Variants in ANO1 observed in about 807,000 individuals in gnomAD.
ANO1 encodes the protein anoctamin-1.
ANO1 carries 59 observed loss-of-function variants against 124.0 expected under a neutral mutation model. That is an observed-to-expected ratio of 0.48 (90% CI 0.39 to 0.59). ANO1 has a LOEUF of 0.59. ANO1 is among the 20% of genes least tolerant of loss of function. The probability of loss-of-function intolerance (pLI) is 0.00; values close to 1 mark genes in which losing one functional copy is unlikely to be tolerated. For missense variants in ANO1, 1,059 were observed against 1,328.0 expected, an observed-to-expected ratio of 0.80 and a Z score of 3.15; for synonymous variants, 529 against 532.0, an observed-to-expected ratio of 0.99 and a Z score of 0.08.
At chr11:70,034,904 T>C (rs1460363181) in intron 1 of ANO1, among the ~76,000 whole-genome samples, 1 of 151,614 alleles carries the variant, frequency 6.6e-6, no homozygotes, top group African/African-American at 2.4e-5. Context: ...GCTTAGTCAA[T>C]ATTTGCTGTA....
intron 1 of ANO1, among the ~76,000 whole-genome samples, chr11:70,028,412 A>C (rs1484802294): frequency 6.6e-6 from 1 of 152,156 alleles, no homozygotes; most frequent in African/African-American, 2.4e-5. Flanking sequence ...CCCAGGGACA[A>C]CATGCTGACT....
rs1296131535 is a variant in ANO1, at chr11:70,165,584, A to G, written c.2051+14A>G. On this transcript the variant is annotated intron_variant, in intron 20 of 25. Transcript: ENST00000355303. ...GATCGGCATCCCGTGAGTGTGCTGC[A>G]GCGGGTTAGAGCGGCAGGGGCGGGG... The G allele has an allele frequency of 1.9e-6, 3 of 1,600,796 alleles. No homozygotes were observed. The highest frequency in any genetic ancestry group is 1.1e-5 in the South Asian group (1 of 89,166).
chr11:70,143,599 G>A (rs75725973), intron 11 of ANO1, among the ~76,000 whole-genome samples: 3,003 of 152,224 alleles, frequency 0.02, 75 homozygotes, highest in African/African-American at 0.056. Context: ...GACTCTGTAG[G>A]TCAGAGATCT....
chr11:70,021,991 G>A (rs1555002669), intron 1 of ANO1, among the ~76,000 whole-genome samples: 1 of 152,210 alleles, frequency 6.6e-6, no homozygotes, highest in African/African-American at 2.4e-5. Flanking sequence ...GCTGCTGTGT[G>A]CTCAGATCAG....
chr11:70,169,759 T>C (rs1440309774), intron 21 of ANO1, among the ~76,000 whole-genome samples: 1 of 152,042 alleles, frequency 6.6e-6, no homozygotes, highest in African/African-American at 2.4e-5. Context: ...TGGCCCATCC[T>C]ACCTGCTAAC....
At chr11:69,988,446 G>A (rs1181276619) in intron 1 of ANO1, among the ~76,000 whole-genome samples, 1 of 152,184 alleles carries the variant, frequency 6.6e-6, no homozygotes, top group African/African-American at 2.4e-5. Context: ...TGAGTTCATA[G>A]CCTTTCCAAA....
At chr11:70,003,345 A>G (rs1774823988) in intron 1 of ANO1, among the ~76,000 whole-genome samples, 1 of 152,204 alleles carries the variant, frequency 6.6e-6, no homozygotes, top group Non-Finnish European at 1.5e-5. Context: ...GCCTGTGGAA[A>G]ACAAGCTGTC....
rs763542379 is a variant in ANO1 at position 70,161,208 on chromosome 11, C to A, written c.1626C>A (p.Ile542=). 1 of 1,613,962 alleles carries A rather than the reference C, an allele frequency of 6.2e-7. No homozygotes were observed. Among genetic ancestry groups the A allele is most frequent in the East Asian group, 2.2e-5 (1 of 44,884 alleles). ...AIVLGVIIYR[I]SMAAALAMNS... Reference sequence around the variant, plus strand: ...TCCTCGGCGTCATCATCTACAGAATCTCCATGGCCGCCGCCTTGGCCATGA... The same window carrying A: ...TCCTCGGCGTCATCATCTACAGAATATCCATGGCCGCCGCCTTGGCCATGA... The change falls in exon 17 of 26, where the codon ATC becomes ATA. Residue 542 remains isoleucine, a synonymous_variant. Transcript: ENST00000355303.
chr11:70,184,100 G>A (rs920695993), intron 24 of ANO1, among the ~76,000 whole-genome samples: 7 of 152,204 alleles, frequency 4.6e-5, no homozygotes, highest in Non-Finnish European at 1.0e-4. Flanking sequence ...GACCAACAGG[G>A]GCACAAACGG....
rs78076446 is a variant in ANO1 at position 70,154,058 on chromosome 11, G to A, written c.1425+930G>A. Among the ~76,000 whole-genome samples the A allele has an allele frequency of 4.6e-5, 7 of 152,238 alleles. No homozygotes were observed. In the East Asian group the frequency reaches 1.4e-3, roughly 29 times the overall value. ...TGGGATTACAGATGTGAGCCACCGT[G>A]CCCAGCAAAGTTTATTTAATGGTGT... is the stretch of plus-strand genomic sequence containing the variant. On this transcript the variant is annotated intron_variant, in intron 14 of 25. Transcript: ENST00000355303.
chr11:69,994,106 C>G (rs115343134), intron 1 of ANO1, among the ~76,000 whole-genome samples: 81,584 of 150,354 alleles, frequency 0.54, 23,823 homozygotes, highest in East Asian at 0.97. Context: ...GTCGTTAACC[C>G]CCCCCCACAG....
At chr11:70,138,619 A>T (rs181836735) in intron 11 of ANO1, among the ~76,000 whole-genome samples, 1 of 152,300 alleles carries the variant, frequency 6.6e-6, no homozygotes, top group East Asian at 1.9e-4. Context: ...CTCCCCCCGA[A>T]GGAGGTAAAT....
chr11:70,058,603 G>A (rs1289862262), intron 1 of ANO1, among the ~76,000 whole-genome samples: 1 of 152,206 alleles, frequency 6.6e-6, no homozygotes, highest in Non-Finnish European at 1.5e-5. Flanking sequence ...CAGAGGGCTG[G>A]TGTCTGGAAC....
chr11:70,082,437 G>T (rs1051343035), intron 1 of ANO1, among the ~76,000 whole-genome samples: 6 of 152,154 alleles, frequency 3.9e-5, no homozygotes, highest in Non-Finnish European at 7.3e-5. Flanking sequence ...GTATGCACCT[G>T]TAATCCCAGC....
chr11:69,987,927 A>G (rs1460249595), intron 1 of ANO1, among the ~76,000 whole-genome samples: 1 of 152,162 alleles, frequency 6.6e-6, no homozygotes, highest in African/African-American at 2.4e-5. Context: ...ACTCCCGGAG[A>G]GCAGGCCTTT....
chr11:70,062,525 G>A (rs1192006107), intron 1 of ANO1, among the ~76,000 whole-genome samples: 8 of 152,232 alleles, frequency 5.3e-5, no homozygotes, highest in African/African-American at 1.7e-4. Flanking sequence ...CATGGGGGCC[G>A]CATGTTTTGA....
Position 70,087,835 on chromosome 11 carries a change from C to T in ANO1, c.192C>T (p.Tyr64=), listed in dbSNP as rs375700976. ...YFRDGRRKVD[Y]ILVYHHKRPS... ...GGGACGGCCGGCGCAAGGTGGACTACATCCTGGTGTACCATCACAAGAGGC... is the reference window on the plus strand; with the variant it reads ...GGGACGGCCGGCGCAAGGTGGACTATATCCTGGTGTACCATCACAAGAGGC... Residue 64 remains tyrosine, a synonymous_variant, in exon 2 of 26, where the codon TAC becomes TAT. Coordinates refer to ENST00000355303, the MANE Select transcript of ANO1 (RefSeq NM_018043.7). 3.1e-5 allele frequency: 50 copies of T among 1,613,046 alleles called. No homozygotes were observed. The highest frequency in any genetic ancestry group is 1.6e-4 in the Middle Eastern group (1 of 6,084).
intron 19 of ANO1, among the ~76,000 whole-genome samples, chr11:70,164,356 G>T (rs186354758): frequency 7.6e-4 from 116 of 152,344 alleles, no homozygotes; most frequent in African/African-American, 2.4e-3. Flanking sequence ...GCAGCCTAGA[G>T]GTTCCACTAC....
chr11:69,985,540 C>G (rs1554996766), upstream of ANO1, among the ~76,000 whole-genome samples: 1 of 152,170 alleles, frequency 6.6e-6, no homozygotes, highest in Non-Finnish European at 1.5e-5. Flanking sequence ...CTCACGGAAC[C>G]GCCCCGCGCC....
Sources: gnomAD v4.1 joint callset for allele counts (sites outside exome capture counted in the v4.1 genomes callset) on GRCh38, gnomAD v4.1.1 for gene constraint, MANE v1.5 for transcripts, NCBI Gene and HGNC (gene_info 2026-07-23, HGNC 2026-07-21) for gene names.